The following SNAPC3 variants were observed in gnomAD, a reference collection of about 807,000 sequenced individuals.
SNAPC3 encodes small nuclear RNA activating complex polypeptide 3.
In SNAPC3, 56 loss-of-function variants were observed where a neutral mutation model predicts 47.7. The ratio of observed to expected loss-of-function variants is 1.18; its 90% CI spans 0.95 to 1.47. SNAPC3 has a LOEUF of 1.47. Ranked by LOEUF, SNAPC3 falls within the 40% of genes most tolerant of loss-of-function variation. The probability of loss-of-function intolerance (pLI) is 0.00; values close to 1 mark genes in which losing one functional copy is unlikely to be tolerated. For synonymous variants in SNAPC3, 235 were observed against 189.9 expected (o/e 1.24, Z -1.95); for missense variants, 665 against 511.3 (o/e 1.30, Z -2.90).
chr9:15,452,009 T>C (rs1046376324), intron 6 of SNAPC3, among the ~76,000 whole-genome samples: 1 of 152,158 alleles, frequency 6.6e-6, no homozygotes, highest in African/African-American at 2.4e-5. Context: ...TGTCACCCAG[T>C]CTGGAGTATG....
chr9:15,423,707 A>G (rs1048217542), intron 1 of SNAPC3, among the ~76,000 whole-genome samples: 1 of 152,216 alleles, frequency 6.6e-6, no homozygotes, highest in Non-Finnish European at 1.5e-5. Context: ...TCTCCATTTA[A>G]CAGTACTGGC....
rs765785599 is a variant in SNAPC3 at position 15,447,238 on chromosome 9, C to G, written c.726C>G (p.Ile242Met). 2 of 1,613,982 alleles carry G rather than the reference C, an allele frequency of 1.2e-6. No individual in the cohort carries two copies. Among genetic ancestry groups the G allele is most frequent in the Non-Finnish European group, 1.7e-6 (2 of 1,179,888 alleles). The stretch of plus-strand genomic sequence containing the variant: ...CTCCTGACCAAGCCCCTGAGCACAT[C>G]AGCAAAGTAAGGTGATTTCCTCCCA... Reference protein sequence around the residue: ...SNTPDQAPEHISKDLYKSAFF... With the variant: ...SNTPDQAPEHMSKDLYKSAFF... Residue 242 changes from isoleucine (I) to methionine (M), a missense_variant, in exon 5 of 9, where the codon ATC becomes ATG. Ile to Met is a conservative substitution (Grantham distance 10). Coordinates refer to ENST00000380821, the MANE Select transcript of SNAPC3 (RefSeq NM_001039697.2).
chr9:15,466,720 A>G (rs773645120), downstream of SNAPC3: 2 of 1,543,786 alleles, frequency 1.3e-6, no homozygotes, highest in Admixed American at 1.8e-5. Context: ...TAAAAAACAC[A>G]CAAGACCCAT....
At chr9:15,463,886 G>A (rs2035420764), downstream of SNAPC3, 1 of 152,708 alleles carries the variant, frequency 6.5e-6, no homozygotes, top group East Asian at 1.9e-4. Flanking sequence ...AAGGGAGGGT[G>A]AACAAAAGAT....
chr9:15,423,077 G>A lies in SNAPC3; in HGVS notation c.198G>A (p.Pro66=), dbSNP rs768853289. 26 of 1,516,494 alleles carry A rather than the reference G, an allele frequency of 1.7e-5. 1 individual carries two copies. The South Asian group carries it at 3.3e-4, about 19-fold the overall frequency. The allele number at this position is 1,516,494 out of a possible 1,614,324, so 93.9% of individuals were successfully genotyped here. A position where few individuals can be genotyped will look rare whatever the true frequency, so the allele number is the denominator to read the frequency against. Residue 66 remains proline, a synonymous_variant, in exon 1 of 9, where the codon CCG becomes CCA. Coordinates refer to ENST00000380821, the MANE Select transcript of SNAPC3 (RefSeq NM_001039697.2). The part of the protein sequence containing the change: ...RGAGDLSLRE[P]PASALPGSQA... ...CCGGGGACTTGTCGCTGAGGGAGCC[G>A]CCGGCATCCGCTCTGCCTGGGAGCC... is the stretch of plus-strand genomic sequence containing the variant.
chr9:15,440,877 A>G (rs1038674199), intron 3 of SNAPC3, among the ~76,000 whole-genome samples: 1 of 147,512 alleles, frequency 6.8e-6, no homozygotes, highest in African/African-American at 2.5e-5. Context: ...TGAACCCGGG[A>G]GGCGGAGCTT....
chr9:15,439,746 C>G (rs1283764840), intron 3 of SNAPC3, among the ~76,000 whole-genome samples: 2 of 152,110 alleles, frequency 1.3e-5, no homozygotes, highest in Non-Finnish European at 2.9e-5. Flanking sequence ...GTTGGCCAGG[C>G]TAGTCTGGAA....
chr9:15,447,154 A>G lies in SNAPC3; in HGVS notation c.642A>G (p.Gln214=). The part of the protein sequence containing the change: ...MLVLGSQKLT[Q]LRDSIRCVSD... ...TGTTGGGCAGTCAAAAACTCACACA[A>G]CTGAGGGATTCAATTCGATGTGTCA... The change falls in exon 5 of 9, where the codon CAA becomes CAG. Residue 214 remains glutamine, a synonymous_variant. Coordinates refer to ENST00000380821, the MANE Select transcript of SNAPC3 (RefSeq NM_001039697.2). The G allele has an allele frequency of 6.2e-7, 1 of 1,613,896 alleles. No homozygotes were observed. Among genetic ancestry groups the G allele is most frequent in the Non-Finnish European group, 8.5e-7 (1 of 1,179,764 alleles).
intron 2 of SNAPC3, among the ~76,000 whole-genome samples, chr9:15,433,321 C>T (rs759618122): frequency 1.3e-5 from 2 of 150,516 alleles, no homozygotes; most frequent in South Asian, 2.1e-4. Flanking sequence ...TTTAAAAAGG[C>T]GTATAGCTAA....
At chr9:15,442,996 C>T (rs1169749126) in intron 3 of SNAPC3, among the ~76,000 whole-genome samples, 1 of 152,338 alleles carries the variant, frequency 6.6e-6, no homozygotes, top group East Asian at 1.9e-4. Flanking sequence ...CAGCGAAACC[C>T]CGTCTCCACC....
At chr9:15,443,657 G>C (rs576181466) in intron 3 of SNAPC3, among the ~76,000 whole-genome samples, 1 of 151,972 alleles carries the variant, frequency 6.6e-6, no homozygotes, top group Non-Finnish European at 1.5e-5. Flanking sequence ...CCACCAAGAG[G>C]GTCAAAACCA....
rs116312939 is a variant in SNAPC3 at position 15,451,937 on chromosome 9, G to C, written c.815+535G>C. ...CATTATCAATGTCTTAACAATTACAGTATACAAGTATATATATTATTGTTG... is the reference window on the plus strand; with the variant it reads ...CATTATCAATGTCTTAACAATTACACTATACAAGTATATATATTATTGTTG... On this transcript the variant is annotated intron_variant, in intron 6 of 8. Transcript: ENST00000380821. Among the ~76,000 whole-genome samples, 1,366 of 150,024 alleles carry C rather than the reference G, an allele frequency of 9.1e-3. 13 individuals are homozygous for C. Among genetic ancestry groups the C allele is most frequent in the African/African-American group, 0.032 (1,306 of 40,904 alleles).
intron 3 of SNAPC3, among the ~76,000 whole-genome samples, chr9:15,441,560 G>A (rs2033385142): frequency 6.6e-6 from 1 of 151,770 alleles, no homozygotes; most frequent in East Asian, 1.9e-4. Context: ...CAGTGTTTGT[G>A]TCCCTGGGTA....
At chr9:15,432,481 G>C (rs2032289230) in intron 2 of SNAPC3, among the ~76,000 whole-genome samples, 1 of 152,010 alleles carries the variant, frequency 6.6e-6, no homozygotes. Flanking sequence ...GAAAAATATA[G>C]GATGGGCCTT....
intron 2 of SNAPC3, among the ~76,000 whole-genome samples, chr9:15,425,641 A>C (rs756771934): frequency 9.2e-5 from 14 of 152,180 alleles, no homozygotes; most frequent in African/African-American, 3.1e-4. Flanking sequence ...TTGAAGGCTC[A>C]ATGAGAGTCC....
intron 4 of SNAPC3, among the ~76,000 whole-genome samples, chr9:15,445,841 AAGG>A (rs1395499877): frequency 6.6e-6 from 1 of 152,040 alleles, no homozygotes; most frequent in Non-Finnish European, 1.5e-5. Flanking sequence ...CCCAGTTACT[AAGG>A]AGGATTGCTT....
downstream of SNAPC3, chr9:15,465,032 T>A (rs2035518444): frequency 4.5e-6 from 1 of 221,770 alleles, no homozygotes; most frequent in Non-Finnish European, 9.0e-6. Flanking sequence ...AGGGAGTGAG[T>A]ACTTGTATAG....
intron 2 of SNAPC3, among the ~76,000 whole-genome samples, chr9:15,433,119 T>C (rs1283933661): frequency 2.6e-5 from 4 of 152,142 alleles, no homozygotes; most frequent in Non-Finnish European, 4.4e-5. Context: ...CAAACCCAAA[T>C]TGAAGGACAT....
At chr9:15,451,466 C>A in intron 6 of SNAPC3, 64 bp downstream of exon 6, 1 of 682,908 alleles carries the variant, frequency 1.5e-6, no homozygotes. Flanking sequence ...AGTGTTATCT[C>A]CACAAATCCT....
Sources: allele counts gnomAD v4.1 joint callset (sites outside exome capture counted in the v4.1 genomes callset), GRCh38; gene constraint gnomAD v4.1.1; transcripts MANE v1.5; gene names NCBI Gene and HGNC (gene_info 2026-07-23, HGNC 2026-07-21).